SPON1: variants seen among roughly 807,000 people sequenced by gnomAD.
The protein encoded by SPON1 is spondin-1.
Under a neutral mutation model 111.7 loss-of-function variants are expected in SPON1, and 52 were observed. That is an observed-to-expected ratio of 0.47 (90% CI 0.37 to 0.59). The LOEUF (loss-of-function observed/expected upper bound fraction) is 0.59, where lower values mean the gene tolerates loss of function less well. SPON1 is among the 20% of genes least tolerant of loss of function. The probability of loss-of-function intolerance (pLI) is 0.00; values close to 1 mark genes in which losing one functional copy is unlikely to be tolerated. For missense variants in SPON1, 957 were observed against 1,068.5 expected (o/e 0.90, Z 1.46); for synonymous variants, 410 against 395.8 (o/e 1.04, Z -0.43).
intron 6 of SPON1, among the ~76,000 whole-genome samples, chr11:14,144,661 TAATAATAATGAA>T (rs1292393379): frequency 6.7e-6 from 1 of 148,712 alleles, no homozygotes; most frequent in African/African-American, 2.5e-5. Context: ...ATAATAATAA[TAATAATAATGAA>T]AAATAAAAAG....
At chr11:14,253,983 C>T (rs1195267198) in intron 7 of SPON1, among the ~76,000 whole-genome samples, 4 of 152,196 alleles carry the variant, frequency 2.6e-5, no homozygotes, top group Non-Finnish European at 5.9e-5. Context: ...GAAGAGCGGC[C>T]TCTGATAGCT....
chr11:14,153,232 T>C (rs1319372546), intron 6 of SPON1, among the ~76,000 whole-genome samples: 1 of 152,206 alleles, frequency 6.6e-6, no homozygotes, highest in East Asian at 1.9e-4. Context: ...CTTAGAACAC[T>C]GTAATTCCCT....
At chr11:14,212,408 A>G (rs993642916) in intron 6 of SPON1, among the ~76,000 whole-genome samples, 1 of 152,242 alleles carries the variant, frequency 6.6e-6, no homozygotes, top group African/African-American at 2.4e-5. Flanking sequence ...TGTTTATTAT[A>G]AAATATCATC....
intron 7 of SPON1, among the ~76,000 whole-genome samples, chr11:14,245,320 AG>A (rs1554940132): frequency 6.6e-6 from 1 of 152,228 alleles, no homozygotes; most frequent in Non-Finnish European, 1.5e-5. Context: ...ACTGTGCGCC[AG>A]CCCTGCACAT....
At position 14,066,890 on chromosome 11, in the gene SPON1, G is replaced by A. The variant is rs191208832; in HGVS notation, c.480-8455G>A. On this transcript the variant is annotated intron_variant, in intron 3 of 15. Transcript: ENST00000576479. ...CTGCCCCTCACTCCCACCAAAAACCGTCAGTGTGGGAGCAATAGCTCACAC... is the reference window on the plus strand; with the variant it reads ...CTGCCCCTCACTCCCACCAAAAACCATCAGTGTGGGAGCAATAGCTCACAC... Among the ~76,000 whole-genome samples the A allele has an allele frequency of 1.3e-4, 20 of 152,118 alleles. No individual in the cohort carries two copies. The East Asian group carries it at 1.5e-3, about 12-fold the overall frequency.
chr11:14,160,909 ATATATATT>A (rs1356534738), intron 6 of SPON1, among the ~76,000 whole-genome samples: 626 of 55,402 alleles, frequency 0.011, 44 homozygotes, highest in African/African-American at 0.036. Flanking sequence ...ATATATTTAT[ATATATATT>A]TATATATTTA....
At chr11:14,015,009 G>T (rs1171628793) in intron 2 of SPON1, among the ~76,000 whole-genome samples, 9 of 152,072 alleles carry the variant, frequency 5.9e-5, no homozygotes, top group Admixed American at 5.9e-4. Context: ...TCTGTCTATG[G>T]AGAAAATCTT....
chr11:13,980,069 C>T (rs1848132447), intron 1 of SPON1, among the ~76,000 whole-genome samples: 1 of 151,182 alleles, frequency 6.6e-6, no homozygotes, highest in South Asian at 2.1e-4. Flanking sequence ...TTGACAGAGT[C>T]ACGCTCTGTT....
intron 6 of SPON1, among the ~76,000 whole-genome samples, chr11:14,158,763 T>C (rs1554930627): frequency 6.6e-6 from 1 of 152,164 alleles, no homozygotes; most frequent in East Asian, 1.9e-4. Context: ...TCTTGGGAGA[T>C]TGTTGGCCTC....
At chr11:14,013,454 T>C (rs58629741) in intron 2 of SPON1, among the ~76,000 whole-genome samples, 329 of 152,288 alleles carry the variant, frequency 2.2e-3, no homozygotes, top group African/African-American at 7.1e-3. Flanking sequence ...ACTTGGCCAT[T>C]CTGTTTGGGG....
rs971568593 is a variant in SPON1, at chr11:14,089,389, C to T, written c.676+9368C>T. 5.3e-5 allele frequency among the ~76,000 whole-genome samples: 8 copies of T among 152,116 alleles called. No homozygotes were observed. In the East Asian group the frequency reaches 5.8e-4, roughly 11 times the overall value. Reference sequence around the variant, plus strand: ...TAGTTTTCCTTCTAACAGTCAGGCTCCTCTTCTGCAGGTATGCTGCAGTTT... The same window carrying T: ...TAGTTTTCCTTCTAACAGTCAGGCTTCTCTTCTGCAGGTATGCTGCAGTTT... On this transcript the variant is annotated intron_variant, in intron 5 of 15. Coordinates refer to ENST00000576479, the MANE Select transcript of SPON1 (RefSeq NM_006108.4).
intron 3 of SPON1, among the ~76,000 whole-genome samples, chr11:14,042,266 T>A (rs1193738487): frequency 6.6e-6 from 1 of 152,288 alleles, no homozygotes; most frequent in East Asian, 1.9e-4. Flanking sequence ...GAATGATGGT[T>A]TGGGAAATGG....
chr11:14,166,585 C>T (rs782358538), intron 6 of SPON1, among the ~76,000 whole-genome samples: 8 of 151,976 alleles, frequency 5.3e-5, no homozygotes, highest in Non-Finnish European at 1.2e-4. Context: ...TGAAAAGGAC[C>T]AAAACAAGAC....
intron 6 of SPON1, among the ~76,000 whole-genome samples, chr11:14,211,105 T>C (rs1848570622): frequency 6.6e-6 from 1 of 152,160 alleles, no homozygotes; most frequent in South Asian, 2.1e-4. Context: ...AGGTTCCATA[T>C]GAAATTTAAA....
At chr11:14,150,728 AATC>A (rs1847777338) in intron 6 of SPON1, among the ~76,000 whole-genome samples, 1 of 152,216 alleles carries the variant, frequency 6.6e-6, no homozygotes, top group Non-Finnish European at 1.5e-5. Context: ...CTGAAATGGT[AATC>A]ATTTGTGAAA....
At chr11:14,187,936 C>A (rs1554934219) in intron 6 of SPON1, among the ~76,000 whole-genome samples, 1 of 152,140 alleles carries the variant, frequency 6.6e-6, no homozygotes, top group Non-Finnish European at 1.5e-5. Context: ...CATGTGCCAC[C>A]ACGCCTGGCT....
chr11:14,193,566 G>A lies in SPON1; in HGVS notation c.826-49766G>A, dbSNP rs567710356. Reference sequence around the variant, plus strand: ...TGTGACCTTAAAGTGCATTTTAAGTGAACTCACATTCAATGTCACTTTGTG... The same window carrying A: ...TGTGACCTTAAAGTGCATTTTAAGTAAACTCACATTCAATGTCACTTTGTG... On this transcript the variant is annotated intron_variant, in intron 6 of 15. Coordinates refer to ENST00000576479, the MANE Select transcript of SPON1 (RefSeq NM_006108.4). Among the ~76,000 whole-genome samples, 18 of 152,288 alleles carry A rather than the reference G, an allele frequency of 1.2e-4. No homozygotes were observed. In the East Asian group the frequency reaches 3.5e-3, roughly 29 times the overall value.
intron 2 of SPON1, 104 bp downstream of exon 2, chr11:13,983,057 G>A (rs1304968013): frequency 9.9e-6 from 7 of 710,274 alleles, no homozygotes; most frequent in East Asian, 5.5e-5. Flanking sequence ...TCCCTTGACC[G>A]TTGGCCAACG....
At chr11:14,080,184 T>TTATA (rs1420160405) in intron 5 of SPON1, among the ~76,000 whole-genome samples, 163 bp downstream of exon 5, 1 of 152,148 alleles carries the variant, frequency 6.6e-6, no homozygotes, top group Non-Finnish European at 1.5e-5. Flanking sequence ...CAGGCAGACA[T>TTATA]TATATGGGTA....
Sources: allele counts gnomAD v4.1 joint callset (sites outside exome capture counted in the v4.1 genomes callset), GRCh38; gene constraint gnomAD v4.1.1; transcripts MANE v1.5; gene names NCBI Gene and HGNC (gene_info 2026-07-23, HGNC 2026-07-21).